The following ADSL variants were observed in gnomAD, a reference collection of about 807,000 sequenced individuals.
ADSL encodes adenylosuccinase.
A neutral mutation model predicts 62.1 loss-of-function variants in ADSL; 44 were observed. The observed-to-expected ratio is 0.71, with a 90% CI of 0.56 to 0.91. The LOEUF (loss-of-function observed/expected upper bound fraction) is 0.91, where lower values mean the gene tolerates loss of function less well. ADSL is among the 40% of genes least tolerant of loss of function. The pLI is 0.00. For synonymous variants in ADSL, 198 were observed against 220.5 expected, an observed-to-expected ratio of 0.90 and a Z score of 0.90; for missense variants, 531 against 627.4, an observed-to-expected ratio of 0.85 and a Z score of 1.64.
intron 4 of ADSL, 96 bp from the exon 5 acceptor site, chr22:40,358,768 T>C: frequency 8.3e-7 from 1 of 1,203,358 alleles, no homozygotes; most frequent in Non-Finnish European, 1.2e-6. Context: ...TTGTTCTCCC[T>C]CCAAGGGGTA....
chr22:40,366,336 A>G (rs1216659937), intron 12 of ADSL, 100 bp from the exon 13 acceptor site: 4 of 865,936 alleles, frequency 4.6e-6, no homozygotes, highest in Non-Finnish European at 7.6e-6. Flanking sequence ...TAAAAGCTTC[A>G]TCAAATTAGG....
chr22:40,357,247 C>CTTTTTTTTTTTT (rs760770992), intron 4 of ADSL, among the ~76,000 whole-genome samples: 1 of 102,782 alleles, frequency 9.7e-6, no homozygotes, highest in African/African-American at 3.8e-5. Context: ...TTGATTTGGG[C>CTTTTTTTTTTTT]TTTTTTTTTT....
chr22:40,363,529 A>C (rs2044874510), intron 10 of ADSL, among the ~76,000 whole-genome samples: 1 of 151,636 alleles, frequency 6.6e-6, no homozygotes. Context: ...TGAGGTCAGG[A>C]GTTCAAGACT....
At chr22:40,384,542 A>G (rs2048117139) in intron 2 of ADSL, among the ~76,000 whole-genome samples, 1 of 152,210 alleles carries the variant, frequency 6.6e-6, no homozygotes. Flanking sequence ...GCACTTTGGA[A>G]GGCCAAGGTG....
rs762409643 is a variant in ADSL, at chr22:40,361,269, C to T, written c.793-4C>T. 1 of 1,614,104 alleles carries T rather than the reference C, an allele frequency of 6.2e-7. No homozygotes were observed. Among genetic ancestry groups the T allele is most frequent in the Admixed American group, 1.7e-5 (1 of 60,014 alleles). On this transcript the variant is annotated splice_region_variant and splice_polypyrimidine_tract_variant and intron_variant, in intron 7 of 12. Transcript: ENST00000623063. ...GGTGATGCTTATTCCCCTACCTCCC[C>T]CAGATTTGCACCGACATACGCCTCC...
chr22:40,378,467 G>A (rs1328240242), intron 2 of ADSL, among the ~76,000 whole-genome samples: 2 of 151,916 alleles, frequency 1.3e-5, no homozygotes, highest in Non-Finnish European at 2.9e-5. Flanking sequence ...GGTGGCTGAT[G>A]CCTGTCATCC....
At chr22:40,374,098 G>T (rs920560195), downstream of ADSL, among the ~76,000 whole-genome samples, 6 of 151,848 alleles carry the variant, frequency 4.0e-5, no homozygotes, top group Non-Finnish European at 7.4e-5. Context: ...GACTACAGGC[G>T]CCTGCCACCA....
chr22:40,372,843 A>G (rs1057042961), downstream of ADSL: 2 of 152,192 alleles, frequency 1.3e-5, no homozygotes, highest in Non-Finnish European at 2.9e-5. Flanking sequence ...AATCTTGTAC[A>G]TTTGATAATT....
chr22:40,381,827 G>A (rs1232693773), intron 2 of ADSL, among the ~76,000 whole-genome samples: 1 of 152,172 alleles, frequency 6.6e-6, no homozygotes, highest in East Asian at 1.9e-4. Flanking sequence ...AGGCATGGTG[G>A]TATATGCCTT....
At chr22:40,380,264 T>C (rs2047340185) in intron 2 of ADSL, among the ~76,000 whole-genome samples, 1 of 152,212 alleles carries the variant, frequency 6.6e-6, no homozygotes. Context: ...TACACTTATC[T>C]GCACCACCCA....
intron 6 of ADSL, among the ~76,000 whole-genome samples, chr22:40,359,613 C>T (rs750500620): frequency 5.3e-5 from 8 of 151,658 alleles, no homozygotes; most frequent in African/African-American, 9.7e-5. Flanking sequence ...TCTCGGCTCA[C>T]GGCAGCCTCC....
chr22:40,372,581 C>T (rs561024822), downstream of ADSL: 3 of 152,230 alleles, frequency 2.0e-5, no homozygotes, highest in South Asian at 2.1e-4. Flanking sequence ...ACGCATACCT[C>T]GTGAATTTGG....
chr22:40,385,748 A>C (rs905086259), intron 2 of ADSL, among the ~76,000 whole-genome samples: 1 of 152,270 alleles, frequency 6.6e-6, no homozygotes, highest in Non-Finnish European at 1.5e-5. Context: ...TGAAAAGTCA[A>C]CTAGAGATGA....
At chr22:40,375,949 G>A (rs2046479990) in intron 2 of ADSL, among the ~76,000 whole-genome samples, 1 of 151,766 alleles carries the variant, frequency 6.6e-6, no homozygotes, top group East Asian at 1.9e-4. Flanking sequence ...GCTGAGGCAA[G>A]AGGATCACTT....
chr22:40,364,615 G>T, intron 11 of ADSL: 1 of 628,244 alleles, frequency 1.6e-6, no homozygotes, highest in Non-Finnish European at 2.8e-6. Context: ...CATTCTGTAG[G>T]AAATGAGCAG....
downstream of ADSL, among the ~76,000 whole-genome samples, chr22:40,371,398 G>A (rs1045003333): frequency 1.3e-5 from 2 of 152,200 alleles, no homozygotes; most frequent in African/African-American, 4.8e-5. Flanking sequence ...GTGGGTTGAT[G>A]GCTCTTTTTT....
intron 2 of ADSL, among the ~76,000 whole-genome samples, chr22:40,378,635 G>A (rs940385599): frequency 6.6e-6 from 1 of 151,680 alleles, no homozygotes; most frequent in Admixed American, 6.6e-5. Flanking sequence ...AGGAAGCTGA[G>A]GCAGAAGAGG....
intron 1 of ADSL, chr22:40,348,255 T>G (rs773799839): frequency 1.5e-5 from 6 of 396,388 alleles, no homozygotes; most frequent in Non-Finnish European, 2.7e-5. Context: ...TCTGCTGCTT[T>G]GCTTTGGAAG....
At chr22:40,352,919 C>T (rs1426084433) in intron 2 of ADSL, among the ~76,000 whole-genome samples, 154 bp from the exon 3 acceptor site, 2 of 152,166 alleles carry the variant, frequency 1.3e-5, no homozygotes, top group African/African-American at 2.4e-5. Context: ...GAAAGAACAA[C>T]TTGTGTTAGT....
Sources: gnomAD v4.1 joint callset for allele counts (sites outside exome capture counted in the v4.1 genomes callset) on GRCh38, gnomAD v4.1.1 for gene constraint, MANE v1.5 for transcripts, NCBI Gene and HGNC (gene_info 2026-07-23, HGNC 2026-07-21) for gene names.